Variants in INVS observed in about 807,000 individuals in gnomAD.
INVS encodes the protein inversin.
INVS carries 86 observed loss-of-function variants against 108.8 expected under a neutral mutation model. That is an observed-to-expected ratio of 0.79 (90% CI 0.66 to 0.95). INVS has a LOEUF of 0.95. Among genes scored for constraint, INVS ranks in the 40% least tolerant of loss-of-function variants. The pLI is 0.00. For synonymous variants in INVS, 455 were observed against 473.5 expected, an observed-to-expected ratio of 0.96 and a Z score of 0.51; for missense variants, 1,169 against 1,297.4, an observed-to-expected ratio of 0.90 and a Z score of 1.52.
chr9:100,275,078 C>T (rs1833074388), intron 12 of INVS, among the ~76,000 whole-genome samples: 2 of 152,158 alleles, frequency 1.3e-5, no homozygotes, highest in Non-Finnish European at 2.9e-5. Context: ...TAGATGGCAT[C>T]CGAGGAAATA....
intron 3 of INVS, among the ~76,000 whole-genome samples, chr9:100,176,531 C>T (rs1049716423): frequency 1.3e-5 from 2 of 152,056 alleles, no homozygotes; most frequent in African/African-American, 4.8e-5. Flanking sequence ...GGCTAGAGTG[C>T]AGTGGTGCGA....
At position 100,292,520 on chromosome 9, in the gene INVS, G is replaced by A. The variant is rs774692372; in HGVS notation, c.2263G>A (p.Glu755Lys). 8 of 1,614,186 alleles carry A rather than the reference G, an allele frequency of 5.0e-6. No homozygotes were observed. In the South Asian group the frequency reaches 7.7e-5, roughly 16 times the overall value. Reference sequence around the variant, plus strand: ...CTGTATCAGGGTGGCTGGGCCTGATGAGAAAGGAGAGGACTCCAGGCGGGC... The same window carrying A: ...CTGTATCAGGGTGGCTGGGCCTGATAAGAAAGGAGAGGACTCCAGGCGGGC... ...PSCIRVAGPD[E>K]KGEDSRRAAA... The change falls in exon 14 of 17, where the codon GAG becomes AAG. Residue 755 changes from glutamate to lysine, a missense_variant. By Grantham distance (56) the Glu-to-Lys change is moderately conservative (BLOSUM62 1). Transcript: ENST00000262457.
chr9:100,226,333 A>G (rs1831320745), intron 4 of INVS, 98 bp downstream of exon 4: 1 of 947,908 alleles, frequency 1.1e-6, no homozygotes, highest in Non-Finnish European at 1.7e-6. Flanking sequence ...ATTACCACAT[A>G]TATACATGGT....
chr9:100,148,409 G>C (rs934865047), intron 3 of INVS, among the ~76,000 whole-genome samples: 14 of 152,118 alleles, frequency 9.2e-5, no homozygotes, highest in African/African-American at 3.4e-4. Context: ...TAAAAATGAT[G>C]GCAGCAAAAA....
At chr9:100,235,045 C>T (rs1469927562) in intron 5 of INVS, among the ~76,000 whole-genome samples, 1 of 152,128 alleles carries the variant, frequency 6.6e-6, no homozygotes, top group African/African-American at 2.4e-5. Flanking sequence ...AATCTGGGTG[C>T]TCCTGTATTG....
In INVS at chr9:100,292,749, C is replaced by A. The variant is rs1365569905; in HGVS notation, c.2492C>A (p.Pro831Gln). 6.2e-7 allele frequency: 1 copy of A among 1,614,154 alleles called. No individual in the cohort carries two copies. The highest frequency in any genetic ancestry group is 8.5e-7 in the Non-Finnish European group (1 of 1,180,034). ...CAGAATCCTCCCCACCATCGTACACCAAGAAACAAAGTGACACAAGCCAAG... is the reference window on the plus strand; with the variant it reads ...CAGAATCCTCCCCACCATCGTACACAAAGAAACAAAGTGACACAAGCCAAG... Reference protein sequence around the residue: ...AGQNPPHHRTPRNKVTQAKLT... With the variant: ...AGQNPPHHRTQRNKVTQAKLT... Residue 831 changes from proline (P) to glutamine (Q), a missense_variant, in exon 14 of 17, where the codon CCA becomes CAA. By Grantham distance (76) the Pro-to-Gln change is moderately conservative (BLOSUM62 -1). This residue lies in a region of INVS where 533 missense variants were observed against 536.0 expected (regional missense o/e 0.99). Transcript: ENST00000262457.
intron 3 of INVS, among the ~76,000 whole-genome samples, chr9:100,219,067 C>T (rs934402835): frequency 1.3e-5 from 2 of 151,986 alleles, no homozygotes; most frequent in Non-Finnish European, 2.9e-5. Context: ...ATTCAGATTA[C>T]GAATTCATTC....
At chr9:100,255,859 A>G (rs532299266) in intron 10 of INVS, among the ~76,000 whole-genome samples, 2 of 152,332 alleles carry the variant, frequency 1.3e-5, no homozygotes, top group Admixed American at 6.5e-5. Flanking sequence ...CATCAGGGAT[A>G]TTGGTCTAAA....
intron 10 of INVS, among the ~76,000 whole-genome samples, chr9:100,256,789 T>C (rs1350675635): frequency 6.6e-6 from 1 of 152,228 alleles, no homozygotes; most frequent in Non-Finnish European, 1.5e-5. Context: ...GACAGTTTGT[T>C]GTAATTTCTG....
At chr9:100,104,820 G>A (rs2118821081) in intron 2 of INVS, among the ~76,000 whole-genome samples, 193 bp downstream of exon 2, 1 of 152,302 alleles carries the variant, frequency 6.6e-6, no homozygotes, top group Admixed American at 6.5e-5. Context: ...AGGATTAGGT[G>A]AAAAGTACTT....
At chr9:100,153,715 T>A (rs1047253620) in intron 3 of INVS, among the ~76,000 whole-genome samples, 1 of 152,202 alleles carries the variant, frequency 6.6e-6, no homozygotes, top group Non-Finnish European at 1.5e-5. Flanking sequence ...TATCAAGTTA[T>A]CAGCATCTGC....
intron 3 of INVS, among the ~76,000 whole-genome samples, chr9:100,165,538 C>T (rs1829335425): frequency 6.6e-6 from 1 of 152,114 alleles, no homozygotes; most frequent in Admixed American, 6.5e-5. Flanking sequence ...TTGATTCTCC[C>T]TCTTTATTTA....
chr9:100,100,187 T>C (rs763518167), intron 1 of INVS, among the ~76,000 whole-genome samples: 1 of 151,948 alleles, frequency 6.6e-6, no homozygotes, highest in Non-Finnish European at 1.5e-5. Flanking sequence ...CTTTTTTCTA[T>C]AAAAAATGAT....
At chr9:100,115,334 T>C (rs1025708617) in intron 2 of INVS, among the ~76,000 whole-genome samples, 9 of 151,910 alleles carry the variant, frequency 5.9e-5, no homozygotes, top group Non-Finnish European at 5.9e-5. Context: ...CTTTAAGTTC[T>C]AGGGTACATG....
intron 11 of INVS, among the ~76,000 whole-genome samples, chr9:100,267,019 T>TTA (rs1554728220): frequency 3.2e-5 from 3 of 93,124 alleles, no homozygotes; most frequent in Non-Finnish European, 4.0e-5. Context: ...TTTGAAACTC[T>TTA]AAAAAAAAAA....
intron 16 of INVS, among the ~76,000 whole-genome samples, chr9:100,298,953 T>C (rs1294187741): frequency 9.9e-5 from 15 of 152,212 alleles, no homozygotes; most frequent in Admixed American, 9.8e-4. Flanking sequence ...TTGTCAGATA[T>C]CACTACCAGA....
At chr9:100,230,468 T>G (rs995339430) in intron 5 of INVS, among the ~76,000 whole-genome samples, 6 of 151,872 alleles carry the variant, frequency 4.0e-5, no homozygotes, top group Non-Finnish European at 7.3e-5. Context: ...TTGTTTTGTT[T>G]TGTTTTTTTG....
intron 10 of INVS, among the ~76,000 whole-genome samples, chr9:100,257,206 G>A (rs1161993228): frequency 1.3e-5 from 2 of 152,116 alleles, no homozygotes; most frequent in Admixed American, 1.3e-4. Flanking sequence ...TTTAAAGTCT[G>A]TTTTATCAGA....
At chr9:100,188,233 G>T (rs1830112434) in intron 3 of INVS, among the ~76,000 whole-genome samples, 1 of 152,118 alleles carries the variant, frequency 6.6e-6, no homozygotes. Flanking sequence ...AATGATGAAA[G>T]TGGGCATCCT....
Sources: allele counts gnomAD v4.1 joint callset (sites outside exome capture counted in the v4.1 genomes callset), GRCh38; gene constraint gnomAD v4.1.1; regional missense constraint gnomAD v4.1.1; transcripts MANE v1.5; gene names NCBI Gene and HGNC (gene_info 2026-07-23, HGNC 2026-07-21).